The following ANXA4 variants were observed in gnomAD, a reference collection of about 807,000 sequenced individuals.
The protein encoded by ANXA4 is 35-beta calcimedin.
In ANXA4, 39 loss-of-function variants were observed where a neutral mutation model predicts 49.8. That is an observed-to-expected ratio of 0.78 (90% CI 0.61 to 1.02). The LOEUF (loss-of-function observed/expected upper bound fraction) is 1.02, where lower values mean the gene tolerates loss of function less well. Ranked by LOEUF, ANXA4 falls within the 50% of genes least tolerant of loss-of-function variation. The pLI, the probability that ANXA4 is intolerant of heterozygous loss-of-function variation, is 0.00. For synonymous variants in ANXA4, 134 were observed against 152.5 expected (o/e 0.88, Z 0.89); for missense variants, 360 against 410.1 (o/e 0.88, Z 1.05).
At position 69,794,586 on chromosome 2, in the gene ANXA4, G is replaced by A. The variant is rs556936057; in HGVS notation, c.97+6445G>A. 4.2e-5 allele frequency among the ~76,000 whole-genome samples: 5 copies of A among 118,836 alleles called. No homozygotes were observed. In the South Asian group the frequency reaches 1.5e-3, roughly 36 times the overall value. The allele number at this position is 118,836 out of a possible 152,430, so 78.0% of individuals were successfully genotyped here. On this transcript the variant is annotated intron_variant, in intron 3 of 12. Transcript: ENST00000394295. The stretch of plus-strand genomic sequence containing the variant: ...TGTTATGTTATGTTATTTTTGAGAC[G>A]GAGTCTCACTCTGTCGCCCAGGCTG...
chr2:69,807,445 C>G (rs941089988), intron 5 of ANXA4, among the ~76,000 whole-genome samples: 4 of 152,116 alleles, frequency 2.6e-5, no homozygotes, highest in African/African-American at 9.7e-5. Flanking sequence ...GATGGTTCTA[C>G]TTAAAAATTT....
chr2:69,696,764 A>G (rs569170111), intron 2 of ANXA4, among the ~76,000 whole-genome samples: 1 of 152,330 alleles, frequency 6.6e-6, no homozygotes, highest in African/African-American at 2.4e-5. Context: ...GTACATCTCC[A>G]TCAGAGTTCT....
At chr2:69,653,400 A>C (rs1451205558) in intron 2 of ANXA4, 1 of 152,278 alleles carries the variant, frequency 6.6e-6, no homozygotes, top group African/African-American at 2.4e-5. Flanking sequence ...TAGGACAAAA[A>C]TCATTAACTG....
At chr2:69,717,359 G>C (rs1273723140) in intron 2 of ANXA4, among the ~76,000 whole-genome samples, 3 of 152,122 alleles carry the variant, frequency 2.0e-5, no homozygotes, top group South Asian at 2.1e-4. Context: ...CTCATCCAGT[G>C]CCTTTCATCC....
chr2:69,697,090 A>G (rs187278037), intron 2 of ANXA4, among the ~76,000 whole-genome samples: 103 of 152,328 alleles, frequency 6.8e-4, no homozygotes, highest in African/African-American at 2.4e-3. Flanking sequence ...TCTAGCTACG[A>G]AAGTCCTAGA....
At chr2:69,740,938 T>A (rs1670378484), upstream of ANXA4, among the ~76,000 whole-genome samples, 1 of 151,246 alleles carries the variant, frequency 6.6e-6, no homozygotes, top group Non-Finnish European at 1.5e-5. Context: ...GTGATCCACT[T>A]GCCCTGGCCT....
intron 2 of ANXA4, among the ~76,000 whole-genome samples, chr2:69,655,885 G>A (rs1302336723): frequency 6.6e-6 from 1 of 152,230 alleles, no homozygotes; most frequent in Non-Finnish European, 1.5e-5. Context: ...CAGGAACATG[G>A]ATGAAGCTGG....
At chr2:69,665,278 G>A (rs578149576) in intron 2 of ANXA4, among the ~76,000 whole-genome samples, 8 of 152,192 alleles carry the variant, frequency 5.3e-5, no homozygotes, top group African/African-American at 1.9e-4. Flanking sequence ...AATAGAGTCC[G>A]AGGAACCCTG....
At position 69,711,074 on chromosome 2, in the gene ANXA4, A is replaced by C. The variant is rs374023084; in HGVS notation, n.767-9700A>C. Among the ~76,000 whole-genome samples, 15 of 152,208 alleles carry C rather than the reference A, an allele frequency of 9.9e-5. 1 individual carries two copies. The East Asian group carries it at 2.1e-3, about 22-fold the overall frequency. On this transcript the variant is annotated intron_variant and non_coding_transcript_variant, in intron 2 of 3. Transcript: ENST00000418066. ...GCCAGGCGTGGTTGCTCACACCTGT[A>C]ATCCCAGCACTTTGGGAGGCTGGGA...
chr2:69,706,508 G>C (rs1678504310), intron 2 of ANXA4, among the ~76,000 whole-genome samples: 2 of 151,600 alleles, frequency 1.3e-5, no homozygotes, highest in South Asian at 4.2e-4. Context: ...CGCCAGTTTG[G>C]CCAGGCTGGT....
chr2:69,793,081 G>A (rs1020711812), intron 3 of ANXA4, among the ~76,000 whole-genome samples: 6 of 151,526 alleles, frequency 4.0e-5, no homozygotes, highest in South Asian at 2.1e-4. Flanking sequence ...GTGAAACCCC[G>A]TCTCTACTAA....
intron 2 of ANXA4, among the ~76,000 whole-genome samples, chr2:69,697,978 C>CAAAA (rs34820959): frequency 1.9e-5 from 2 of 105,658 alleles, no homozygotes; most frequent in African/African-American, 3.5e-5. Flanking sequence ...GACCCCATCT[C>CAAAA]AAAAAAAAAA....
intron 2 of ANXA4, among the ~76,000 whole-genome samples, chr2:69,699,519 C>T (rs1433072985): frequency 6.6e-6 from 1 of 151,898 alleles, no homozygotes; most frequent in Non-Finnish European, 1.5e-5. Context: ...GGTGTGAACC[C>T]GTAGTCTCAG....
At chr2:69,790,863 A>G (rs1672660472) in intron 3 of ANXA4, among the ~76,000 whole-genome samples, 1 of 152,232 alleles carries the variant, frequency 6.6e-6, no homozygotes, top group Admixed American at 6.5e-5. Flanking sequence ...ACAGGTTAAT[A>G]ACAGATGTAT....
At chr2:69,725,707 C>T (rs967060243) in intron 3 of ANXA4, among the ~76,000 whole-genome samples, 8 of 152,164 alleles carry the variant, frequency 5.3e-5, no homozygotes, top group African/African-American at 1.9e-4. Flanking sequence ...GTGTGGCCTT[C>T]AGGCTAATGT....
In ANXA4 at chr2:69,818,640, C is replaced by G; in HGVS notation, c.670C>G (p.Gln224Glu). The part of the protein sequence containing the change: ...YKRISQKDIE[Q>E]SIKSETSGSF... ...AAGGATATCACAGAAGGATATTGAA[C>G]AGAGTATTAAATCTGAAACATCTGG... Residue 224 changes from glutamine to glutamate, a missense_variant, in exon 10 of 13, where the codon CAG (glutamine) becomes GAG (glutamate). Gln to Glu is a conservative substitution (Grantham distance 29). Transcript: ENST00000394295. 2 of 1,611,056 alleles carry G rather than the reference C, an allele frequency of 1.2e-6. No individual in the cohort carries two copies. Among genetic ancestry groups the G allele is most frequent in the Non-Finnish European group, 1.7e-6 (2 of 1,178,266 alleles).
upstream of ANXA4, among the ~76,000 whole-genome samples, chr2:69,737,709 C>G (rs1021223644): frequency 6.6e-6 from 1 of 152,154 alleles, no homozygotes; most frequent in Non-Finnish European, 1.5e-5. Context: ...AGTTGTCCTC[C>G]TGCCTCAGCC....
chr2:69,799,171 G>C (rs1007309618), intron 3 of ANXA4, among the ~76,000 whole-genome samples: 2 of 150,800 alleles, frequency 1.3e-5, no homozygotes, highest in South Asian at 2.1e-4. Context: ...GACCACATAG[G>C]CTGACTCTTA....
intron 3 of ANXA4, among the ~76,000 whole-genome samples, chr2:69,723,047 C>T (rs546595183): frequency 5.7e-4 from 85 of 149,608 alleles, no homozygotes; most frequent in African/African-American, 2.0e-3. Flanking sequence ...ATATATTAGC[C>T]GGGCATGGTG....
Sources: gnomAD v4.1 joint callset for allele counts (sites outside exome capture counted in the v4.1 genomes callset) on GRCh38, gnomAD v4.1.1 for gene constraint, MANE v1.5 for transcripts, NCBI Gene and HGNC (gene_info 2026-07-23, HGNC 2026-07-21) for gene names.